The following IGSF11 variants were observed in gnomAD, a reference collection of about 807,000 sequenced individuals.
The protein encoded by IGSF11 is CXADR like 1.
Under a neutral mutation model 41.0 loss-of-function variants are expected in IGSF11, and 22 were observed. That is an observed-to-expected ratio of 0.54 (90% confidence interval 0.38 to 0.77). The LOEUF (loss-of-function observed/expected upper bound fraction) is 0.77, where lower values mean the gene tolerates loss of function less well. Ranked by LOEUF, IGSF11 falls within the 30% of genes least tolerant of loss-of-function variation. The pLI, the probability that IGSF11 is intolerant of heterozygous loss-of-function variation, is 0.00. For missense variants in IGSF11, 444 were observed against 530.8 expected (o/e 0.84, Z 1.61); for synonymous variants, 219 against 201.3 (o/e 1.09, Z -0.74).
intron 4 of IGSF11, among the ~76,000 whole-genome samples, chr3:118,923,042 T>C (rs1177084559): frequency 6.6e-6 from 1 of 152,126 alleles, no homozygotes; most frequent in Non-Finnish European, 1.5e-5. Flanking sequence ...TACTCAGGTA[T>C]AAAACTCAGA....
In IGSF11 at chr3:118,902,084, A is replaced by G. The variant is rs962755283; in HGVS notation, c.*436T>C. On this transcript the variant is annotated 3_prime_UTR_variant, in exon 7 of 7. Coordinates refer to ENST00000393775, the MANE Select transcript of IGSF11 (RefSeq NM_001015887.3). ...CTATATAACGAGGGAATTGGGAGAG[A>G]CGGAACATATCACAGGGTTGCTTGT... is the stretch of plus-strand genomic sequence containing the variant. 1 of 166,016 alleles carries G rather than the reference A, an allele frequency of 6.0e-6. No homozygotes were observed. The highest frequency in any genetic ancestry group is 1.3e-5 in the Non-Finnish European group (1 of 75,738). The allele number at this position is 166,016 out of a possible 1,614,324, so 10.3% of individuals were successfully genotyped here. A position where few individuals can be genotyped will look rare whatever the true frequency, so the allele number is the denominator to read the frequency against.
chr3:119,034,666 T>C lies in IGSF11; in HGVS notation c.-84A>G. ...GAGCGGGCGTGAGTCTCCGCGCTCT[T>C]GGGGCAGCCTGGTCCTCCCACACCC... On this transcript the variant is annotated 5_prime_UTR_variant, in exon 1 of 7. Transcript: ENST00000393775. 1.4e-6 allele frequency: 2 copies of C among 1,452,652 alleles called. No individual in the cohort carries two copies. Among genetic ancestry groups the C allele is most frequent in the Non-Finnish European group, 9.1e-7 (1 of 1,094,386 alleles). 90.0% of individuals were successfully genotyped at this position (1,452,652 alleles called of 1,614,324 possible).
chr3:119,096,915 G>A (rs2076861449), intron 1 of IGSF11, among the ~76,000 whole-genome samples: 1 of 152,104 alleles, frequency 6.6e-6, no homozygotes, highest in African/African-American at 2.4e-5. Flanking sequence ...TGGACTAGAA[G>A]TTCCCATGTT....
chr3:119,105,658 A>T (rs1422283266), upstream of IGSF11, among the ~76,000 whole-genome samples: 1 of 152,200 alleles, frequency 6.6e-6, no homozygotes, highest in Non-Finnish European at 1.5e-5. Context: ...AGGAGTAAAA[A>T]AGTTACAAGC....
intron 1 of IGSF11, among the ~76,000 whole-genome samples, chr3:118,942,253 A>G (rs1231567423): frequency 6.6e-6 from 1 of 152,230 alleles, no homozygotes; most frequent in Non-Finnish European, 1.5e-5. Flanking sequence ...CCATAACTAT[A>G]CTGTAAAACT....
chr3:118,914,527 C>T (rs1219168881), intron 4 of IGSF11, among the ~76,000 whole-genome samples: 2 of 151,698 alleles, frequency 1.3e-5, no homozygotes, highest in South Asian at 2.1e-4. Context: ...CACTCCCACC[C>T]GAATATGGCG....
exon 1 of IGSF11, chr3:119,105,166 C>G (rs1471554398): frequency 6.2e-7 from 1 of 1,609,736 alleles, no homozygotes; most frequent in Non-Finnish European, 8.5e-7. Flanking sequence ...AGCAGTTCCA[C>G]CAGAGCAAAA....
intron 1 of IGSF11, among the ~76,000 whole-genome samples, chr3:119,133,112 C>T (rs1441376375): frequency 6.6e-6 from 1 of 152,086 alleles, no homozygotes; most frequent in Non-Finnish European, 1.5e-5. Flanking sequence ...CAACTGAAAG[C>T]AGTAAAGATC....
chr3:119,068,719 A>C (rs1355285608), intron 1 of IGSF11, among the ~76,000 whole-genome samples: 1 of 152,062 alleles, frequency 6.6e-6, no homozygotes, highest in Non-Finnish European at 1.5e-5. Context: ...GCTTTTGAGG[A>C]CTCTAGCTTT....
chr3:118,972,436 T>C (rs1459895925), intron 1 of IGSF11, among the ~76,000 whole-genome samples: 2 of 152,260 alleles, frequency 1.3e-5, no homozygotes, highest in East Asian at 3.8e-4. Flanking sequence ...GCTTCATGTC[T>C]ATTGTCTTCT....
At chr3:118,903,234 C>T (rs1939133693) in intron 6 of IGSF11, among the ~76,000 whole-genome samples, 1 of 151,926 alleles carries the variant, frequency 6.6e-6, no homozygotes, top group Non-Finnish European at 1.5e-5. Flanking sequence ...AATGTCTCTT[C>T]CAATACAACT....
chr3:118,930,040 A>G, intron 2 of IGSF11, 72 bp downstream of exon 2: 3 of 1,468,856 alleles, frequency 2.0e-6, no homozygotes, highest in Non-Finnish European at 2.8e-6. Flanking sequence ...AGATGTACTC[A>G]TGATGCTTCC....
chr3:119,084,048 G>A (rs1045910773), intron 1 of IGSF11, among the ~76,000 whole-genome samples: 1 of 152,028 alleles, frequency 6.6e-6, no homozygotes, highest in Non-Finnish European at 1.5e-5. Context: ...TGTAGGCCTA[G>A]GCTAATGTGT....
chr3:119,081,825 G>A (rs2076591901), intron 1 of IGSF11, among the ~76,000 whole-genome samples: 2 of 152,088 alleles, frequency 1.3e-5, no homozygotes, highest in African/African-American at 2.4e-5. Context: ...TCTATGTCTG[G>A]TGGAAATTTA....
intron 1 of IGSF11, among the ~76,000 whole-genome samples, chr3:119,014,201 T>A (rs542997714): frequency 6.6e-6 from 1 of 152,350 alleles, no homozygotes; most frequent in Non-Finnish European, 1.5e-5. Flanking sequence ...AAAGCCCATC[T>A]GTTTGACGTT....
chr3:118,975,755 ATT>A (rs1701570316), intron 1 of IGSF11, among the ~76,000 whole-genome samples: 1 of 152,356 alleles, frequency 6.6e-6, no homozygotes, highest in South Asian at 2.1e-4. Context: ...TCCTAAGTGA[ATT>A]AATGCAAGAA....
Position 119,031,124 on chromosome 3 carries a change from GTA to G in IGSF11, c.52+3405_52+3406del, listed in dbSNP as rs1396859535. 1.3e-4 allele frequency among the ~76,000 whole-genome samples: 20 copies of G among 152,224 alleles called. No homozygotes were observed. The East Asian group carries it at 3.5e-3, about 26-fold the overall frequency. On this transcript the variant is annotated intron_variant, in intron 1 of 6. Coordinates refer to ENST00000393775, the MANE Select transcript of IGSF11 (RefSeq NM_001015887.3). The stretch of plus-strand genomic sequence containing the variant: ...ATACAAAAATTAGCCAAGTGTGGTG[GTA>G]TGCGCCTGTAATCCTGGCTACTCGG...
chr3:118,998,056 T>C (rs1028768665), intron 1 of IGSF11, among the ~76,000 whole-genome samples: 4 of 152,190 alleles, frequency 2.6e-5, no homozygotes, highest in Admixed American at 1.3e-4. Context: ...TAATGGCGCT[T>C]CTATTTTGAT....
In IGSF11 at chr3:118,905,720, T is replaced by C. The variant is rs1192901577; in HGVS notation, c.581-2A>G. On this transcript the variant is annotated splice_acceptor_variant, in intron 4 of 6. Coordinates refer to ENST00000393775, the MANE Select transcript of IGSF11 (RefSeq NM_001015887.3). LOFTEE classifies it high-confidence loss of function. ...TGGTGACTGTTCCCTGGACCTGGTCTGTCACAAAAATAATAACCGAGTGAG... is the reference window on the plus strand; with the variant it reads ...TGGTGACTGTTCCCTGGACCTGGTCCGTCACAAAAATAATAACCGAGTGAG... 1.2e-6 allele frequency: 2 copies of C among 1,613,354 alleles called. No individual in the cohort carries two copies. The highest frequency in any genetic ancestry group is 2.2e-5 in the East Asian group (1 of 44,876).
Sources: allele counts gnomAD v4.1 joint callset (sites outside exome capture counted in the v4.1 genomes callset), GRCh38; gene constraint gnomAD v4.1.1; transcripts MANE v1.5; gene names NCBI Gene and HGNC (gene_info 2026-07-23, HGNC 2026-07-21).